The following PTCD2 variants were observed in gnomAD, a reference collection of about 807,000 sequenced individuals.
The protein encoded by PTCD2 is pentatricopeptide repeat-containing protein 2, mitochondrial.
PTCD2 carries 31 observed loss-of-function variants against 42.6 expected under a neutral mutation model. The ratio of observed to expected loss-of-function variants is 0.73; its 90% CI spans 0.55 to 0.98. The LOEUF is 0.98. Ranked by LOEUF, PTCD2 falls within the 50% of genes least tolerant of loss-of-function variation. The pLI is 0.00. For missense variants in PTCD2, 476 were observed against 454.8 expected (o/e 1.05, Z -0.42); for synonymous variants, 183 against 170.9 (o/e 1.07, Z -0.55).
At chr5:72,352,532 T>G in intron 8 of PTCD2, 109 bp from the exon 9 acceptor site, 1 of 542,920 alleles carries the variant, frequency 1.8e-6, no homozygotes, top group Non-Finnish European at 3.3e-6. Flanking sequence ...GGAAGTAGGA[T>G]CAAAGCAGGG....
intron 4 of PTCD2, among the ~76,000 whole-genome samples, chr5:72,334,172 A>G (rs1486293853): frequency 6.6e-6 from 1 of 152,086 alleles, no homozygotes; most frequent in Non-Finnish European, 1.5e-5. Context: ...GGCCAAATAT[A>G]TACAATTTTT....
At chr5:72,346,208 G>C (rs1352454811) in intron 8 of PTCD2, among the ~76,000 whole-genome samples, 1 of 152,142 alleles carries the variant, frequency 6.6e-6, no homozygotes, top group Non-Finnish European at 1.5e-5. Flanking sequence ...GTTTGTAATG[G>C]AAGAAACAAA....
intron 4 of PTCD2, among the ~76,000 whole-genome samples, chr5:72,332,179 C>T (rs1333269103): frequency 6.6e-6 from 1 of 152,162 alleles, no homozygotes; most frequent in Non-Finnish European, 1.5e-5. Flanking sequence ...TAGGAACTTA[C>T]ATAACAAGTT....
intron 3 of PTCD2, among the ~76,000 whole-genome samples, chr5:72,330,914 C>T (rs1751405330): frequency 6.6e-6 from 1 of 152,190 alleles, no homozygotes; most frequent in Admixed American, 6.5e-5. Context: ...CATTCTGATG[C>T]ACTTACAGAT....
Position 72,332,128 on chromosome 5 carries a change from T to G in PTCD2, c.468+753T>G, listed in dbSNP as rs572295222. Among the ~76,000 whole-genome samples, 15 of 152,308 alleles carry G rather than the reference T, an allele frequency of 9.8e-5. 1 individual carries two copies. In the South Asian group the frequency reaches 3.1e-3, roughly 32 times the overall value. ...CCATAATCAGAAACATTTGCTAAATTTTGGGGCCACGGCTGGCCACCAGGT... is the reference window on the plus strand; with the variant it reads ...CCATAATCAGAAACATTTGCTAAATGTTGGGGCCACGGCTGGCCACCAGGT... On this transcript the variant is annotated intron_variant, in intron 4 of 9. Transcript: ENST00000380639.
At chr5:72,324,519 C>A (rs1189210597) in intron 2 of PTCD2, among the ~76,000 whole-genome samples, 1 of 152,160 alleles carries the variant, frequency 6.6e-6, no homozygotes, top group African/African-American at 2.4e-5. Context: ...ATATCCCCCT[C>A]CTCCATTTCT....
intron 8 of PTCD2, among the ~76,000 whole-genome samples, chr5:72,350,439 A>G (rs751646217): frequency 2.5e-4 from 38 of 152,318 alleles, no homozygotes; most frequent in Non-Finnish European, 4.7e-4. Flanking sequence ...TAAGCTTAGG[A>G]AACCCAAATC....
intron 8 of PTCD2, among the ~76,000 whole-genome samples, chr5:72,346,173 C>T (rs1752347212): frequency 6.6e-6 from 1 of 152,044 alleles, no homozygotes; most frequent in East Asian, 1.9e-4. Context: ...AGAGTGATAA[C>T]AGAGAACTTG....
chr5:72,322,798 C>G (rs537360181), intron 2 of PTCD2, among the ~76,000 whole-genome samples: 10 of 152,296 alleles, frequency 6.6e-5, no homozygotes, highest in Admixed American at 2.0e-4. Flanking sequence ...ATTTTTCACT[C>G]TGTGCTAGAA....
chr5:72,329,116 A>G (rs1436821970), intron 3 of PTCD2, among the ~76,000 whole-genome samples: 1 of 152,186 alleles, frequency 6.6e-6, no homozygotes, highest in Non-Finnish European at 1.5e-5. Context: ...AAAATGAGAT[A>G]AATATCCTGA....
At chr5:72,349,768 C>T (rs1752529857) in intron 8 of PTCD2, among the ~76,000 whole-genome samples, 1 of 152,162 alleles carries the variant, frequency 6.6e-6, no homozygotes, top group Non-Finnish European at 1.5e-5. Context: ...TTTTCTTTAG[C>T]TGAACCCTGA....
At chr5:72,346,581 G>A (rs564413189) in intron 8 of PTCD2, among the ~76,000 whole-genome samples, 1 of 152,290 alleles carries the variant, frequency 6.6e-6, no homozygotes, top group South Asian at 2.1e-4. Flanking sequence ...GGGAGGCCAA[G>A]GTTGGCAAAG....
intron 2 of PTCD2, among the ~76,000 whole-genome samples, chr5:72,322,877 G>A (rs953159209): frequency 1.3e-5 from 2 of 152,200 alleles, no homozygotes; most frequent in Non-Finnish European, 2.9e-5. Context: ...GATTTGGCTG[G>A]GCATGATGGC....
chr5:72,339,785 C>T (rs1751960739), intron 7 of PTCD2, among the ~76,000 whole-genome samples: 2 of 151,818 alleles, frequency 1.3e-5, no homozygotes, highest in South Asian at 4.2e-4. Context: ...ATTGTGAATC[C>T]CTCACTTTAG....
intron 4 of PTCD2, among the ~76,000 whole-genome samples, chr5:72,334,293 CA>C (rs914840436): frequency 6.2e-4 from 95 of 152,012 alleles, no homozygotes; most frequent in African/African-American, 2.3e-3. Flanking sequence ...TATCCGTTGC[CA>C]AAAAAAGACC....
rs970359862 is a variant in PTCD2, at chr5:72,360,021, G to C, written c.*1594G>C. On this transcript the variant is annotated 3_prime_UTR_variant, in exon 10 of 10. Transcript: ENST00000380639. ...GCAAGCAGATAGTGGCTGGCACATA[G>C]TACATGCAATATGTTTGAAACTAGT... 1 of 151,964 alleles carries C rather than the reference G, an allele frequency of 6.6e-6. No homozygotes were observed. The highest frequency in any genetic ancestry group is 2.4e-5 in the African/African-American group (1 of 41,358). The allele number at this position is 151,964 out of a possible 1,614,324, so 9.4% of individuals were successfully genotyped here. A position where few individuals can be genotyped will look rare whatever the true frequency, so the allele number is the denominator to read the frequency against.
At chr5:72,338,816 T>C (rs992013366) in intron 7 of PTCD2, 81 bp downstream of exon 7, 2 of 754,604 alleles carry the variant, frequency 2.7e-6, no homozygotes, top group East Asian at 5.3e-5. Context: ...TTTCCTTTTT[T>C]CCTTCTGACT....
chr5:72,345,994 C>G (rs1752339323), intron 8 of PTCD2, among the ~76,000 whole-genome samples: 1 of 152,172 alleles, frequency 6.6e-6, no homozygotes, highest in African/African-American at 2.4e-5. Flanking sequence ...CACACCAGTG[C>G]CCAGGTGACT....
chr5:72,334,698 C>G (rs565441625), intron 4 of PTCD2, among the ~76,000 whole-genome samples: 1 of 152,110 alleles, frequency 6.6e-6, no homozygotes, highest in South Asian at 2.1e-4. Context: ...TTACAGGTGC[C>G]CACCACCATG....
Sources: gnomAD v4.1 joint callset for allele counts (sites outside exome capture counted in the v4.1 genomes callset) on GRCh38, gnomAD v4.1.1 for gene constraint, MANE v1.5 for transcripts, NCBI Gene and HGNC (gene_info 2026-07-23, HGNC 2026-07-21) for gene names.